The following SLC43A3 variants were observed in gnomAD, a reference collection of about 807,000 sequenced individuals.
SLC43A3 encodes the protein equilibrative nucleobase transporter 1.
SLC43A3 carries 33 observed loss-of-function variants against 53.3 expected under a neutral mutation model. The observed-to-expected ratio is 0.62, with a 90% CI of 0.47 to 0.83. The LOEUF is 0.83. Among genes scored for constraint, SLC43A3 ranks in the 40% least tolerant of loss-of-function variants. The pLI is 0.00. For synonymous variants in SLC43A3, 236 were observed against 246.2 expected (o/e 0.96, Z 0.39); for missense variants, 530 against 610.0 (o/e 0.87, Z 1.38).
intron 5 of SLC43A3, among the ~76,000 whole-genome samples, 159 bp from the exon 6 acceptor site, chr11:57,421,532 G>A (rs992260235): frequency 1.3e-5 from 2 of 152,056 alleles, no homozygotes; most frequent in African/African-American, 4.8e-5. Context: ...TTAGGATACC[G>A]GCCAAGGCTT....
At position 57,409,018 on chromosome 11, in the gene SLC43A3, A is replaced by C. The variant is rs146667020; in HGVS notation, c.1371+157T>G. 3.0e-3 allele frequency among the ~76,000 whole-genome samples: 454 copies of C among 152,308 alleles called. 2 individuals are homozygous for C. The highest frequency in any genetic ancestry group is 3.0e-3 in the Non-Finnish European group (205 of 68,022). The stretch of plus-strand genomic sequence containing the variant: ...CCTACTCCAGAATGTCTGTTTCCCC[A>C]CACACACAAATACTTTTGCCCCAAA... On this transcript the variant is annotated intron_variant, in intron 13 of 13. Coordinates refer to ENST00000395124, the MANE Select transcript of SLC43A3 (RefSeq NM_199329.3).
At position 57,421,324 on chromosome 11, in the gene SLC43A3, T is replaced by C; in HGVS notation, c.411A>G (p.Gly137=). The C allele has an allele frequency of 1.9e-6, 3 of 1,613,742 alleles. No homozygotes were observed. The highest frequency in any genetic ancestry group is 2.5e-6 in the Non-Finnish European group (3 of 1,179,846). Residue 137 remains glycine (G), a synonymous_variant, in exon 6 of 14, where the codon GGA becomes GGG. Transcript: ENST00000395124. The part of the protein sequence containing the change: ...FLAMPMLTIG[G]ILFLITNLQI... ...GCAGGTTGGTGATGAGAAACAGGAT[T>C]CCCCCAATGGTGAGCATTGGCATGG...
intron 11 of SLC43A3, among the ~76,000 whole-genome samples, chr11:57,412,361 A>G (rs1286370060): frequency 1.3e-5 from 2 of 152,240 alleles, no homozygotes; most frequent in Admixed American, 6.5e-5. Context: ...ATTATAAAAG[A>G]AACAATTAGT....
At chr11:57,410,152 C>T (rs1565094290) in intron 11 of SLC43A3, 31 bp from the exon 12 acceptor site, 2 of 1,531,904 alleles carry the variant, frequency 1.3e-6, no homozygotes, top group East Asian at 4.6e-5. Context: ...AAGAAGCTCT[C>T]TGTAGGCCAA....
Position 57,416,613 on chromosome 11 carries a change from G to A in SLC43A3, c.729C>T (p.Asn243=). The change falls in exon 9 of 14, where the codon AAC becomes AAT. Residue 243 remains asparagine, a synonymous_variant. Coordinates refer to ENST00000395124, the MANE Select transcript of SLC43A3 (RefSeq NM_199329.3). Reference sequence around the variant, plus strand: ...GGAACTCCTTTGACTGTAGCTCCCTGTTTTCATGCTCAGCTGTTTCCTTCT... The same window carrying A: ...GGAACTCCTTTGACTGTAGCTCCCTATTTTCATGCTCAGCTGTTTCCTTCT... ...KEEKETAEHE[N]RELQSKEFLS... The A allele has an allele frequency of 6.2e-7, 1 of 1,614,160 alleles. No individual in the cohort carries two copies. The highest frequency in any genetic ancestry group is 1.1e-5 in the South Asian group (1 of 91,074).
chr11:57,420,806 C>T (rs1478487344), intron 7 of SLC43A3, among the ~76,000 whole-genome samples, 166 bp downstream of exon 7: 4 of 152,204 alleles, frequency 2.6e-5, no homozygotes, highest in African/African-American at 9.7e-5. Context: ...AGCTGCAGAA[C>T]CTTCAACAAG....
At chr11:57,421,134 T>C (rs1942967250) in intron 6 of SLC43A3, 70 bp from the exon 7 acceptor site, 3 of 1,320,878 alleles carry the variant, frequency 2.3e-6, no homozygotes, top group South Asian at 2.4e-5. Flanking sequence ...GCACCCAGCA[T>C]GTGGCAGACC....
At position 57,411,735 on chromosome 11, in the gene SLC43A3, G is replaced by T. The variant is rs1942485079; in HGVS notation, c.1061-1614C>A. ...TGGGATATATCCTAAGGATGAGAAAGGAATAAGGAAGGACAGAAAAAAGGA... is the reference window on the plus strand; with the variant it reads ...TGGGATATATCCTAAGGATGAGAAATGAATAAGGAAGGACAGAAAAAAGGA... On this transcript the variant is annotated intron_variant, in intron 11 of 13. Transcript: ENST00000395124. Among the ~76,000 whole-genome samples, 3 of 151,886 alleles carry T rather than the reference G, an allele frequency of 2.0e-5. No homozygotes were observed. In the South Asian group the frequency reaches 6.2e-4, roughly 32 times the overall value.
Position 57,426,296 on chromosome 11 carries a change from A to C in SLC43A3, c.-124T>G. On this transcript the variant is annotated 5_prime_UTR_variant, in exon 3 of 14. Transcript: ENST00000395124. ...GCAAGCCAAGCCCTTCCTTTCCCGT[A>C]GCTCTCTGGTTGTTTCAGGCCTGGG... 1.1e-6 allele frequency: 1 copy of C among 883,184 alleles called. No individual in the cohort carries two copies. The highest frequency in any genetic ancestry group is 1.7e-6 in the Non-Finnish European group (1 of 584,238). 54.7% of individuals were successfully genotyped at this position (883,184 alleles called of 1,614,324 possible).
chr11:57,408,686 A>T (rs2134497952), intron 13 of SLC43A3: 1 of 158,706 alleles, frequency 6.3e-6, no homozygotes, highest in South Asian at 1.8e-4. Flanking sequence ...TGCAGTAGTC[A>T]AAACACAGAA....
Position 57,421,278 on chromosome 11 carries a change from G to T in SLC43A3, c.438+19C>A. 1 of 1,600,914 alleles carries T rather than the reference G, an allele frequency of 6.2e-7. No homozygotes were observed. Among genetic ancestry groups the T allele is most frequent in the Non-Finnish European group, 8.6e-7 (1 of 1,168,362 alleles). On this transcript the variant is annotated intron_variant, in intron 6 of 13. Transcript: ENST00000395124. Reference sequence around the variant, plus strand: ...TCCCGCCACCCTGCCGAGTGCCTGGGATTAGGGAAGGCTCCCACCTGCAGG... The same window carrying T: ...TCCCGCCACCCTGCCGAGTGCCTGGTATTAGGGAAGGCTCCCACCTGCAGG...
intron 7 of SLC43A3, among the ~76,000 whole-genome samples, chr11:57,420,569 C>A (rs938233166): frequency 6.6e-6 from 1 of 152,204 alleles, no homozygotes; most frequent in African/African-American, 2.4e-5. Flanking sequence ...TCTGTGTCTG[C>A]CCCTGCTGTA....
At chr11:57,412,650 T>C (rs139334544) in intron 11 of SLC43A3, among the ~76,000 whole-genome samples, 1 of 152,046 alleles carries the variant, frequency 6.6e-6, no homozygotes, top group Non-Finnish European at 1.5e-5. Flanking sequence ...CCATCTCTAC[T>C]AAAAATACAA....
At chr11:57,415,468 T>C (rs2135010829) in intron 9 of SLC43A3, 2 of 1,221,376 alleles carry the variant, frequency 1.6e-6, no homozygotes, top group Middle Eastern at 2.2e-4. Flanking sequence ...AGAATGAGTG[T>C]GGATACTCTG....
At chr11:57,409,793 A>T in intron 12 of SLC43A3, 142 bp downstream of exon 12, 2 of 704,726 alleles carry the variant, frequency 2.8e-6, no homozygotes, top group Non-Finnish European at 4.7e-6. Flanking sequence ...CTCTGGTCTC[A>T]CCCCCTCCAC....
intron 7 of SLC43A3, among the ~76,000 whole-genome samples, chr11:57,419,524 A>G (rs1260911265): frequency 6.6e-6 from 1 of 152,178 alleles, no homozygotes; most frequent in Non-Finnish European, 1.5e-5. Flanking sequence ...GAGGCTGGGC[A>G]TGGTGGCTCA....
chr11:57,415,388 C>G, intron 9 of SLC43A3: 4 of 1,424,984 alleles, frequency 2.8e-6, no homozygotes, highest in Non-Finnish European at 3.7e-6. Context: ...TGCAGTAATA[C>G]CTTCCTGATC....
At chr11:57,421,633 A>G (rs1043732118) in intron 5 of SLC43A3, among the ~76,000 whole-genome samples, 5 of 152,232 alleles carry the variant, frequency 3.3e-5, no homozygotes, top group African/African-American at 1.2e-4. Flanking sequence ...GTCTACAGAC[A>G]GAGGCAGAGC....
chr11:57,415,203 C>A, intron 9 of SLC43A3, 97 bp from the exon 10 acceptor site: 1 of 1,562,092 alleles, frequency 6.4e-7, no homozygotes, highest in South Asian at 1.2e-5. Context: ...CAGATCCGGG[C>A]CCACCTTCTA....
Sources: allele counts gnomAD v4.1 joint callset (sites outside exome capture counted in the v4.1 genomes callset), GRCh38; gene constraint gnomAD v4.1.1; transcripts MANE v1.5; gene names NCBI Gene and HGNC (gene_info 2026-07-23, HGNC 2026-07-21).